KCNAB1: variants seen among roughly 807,000 people sequenced by gnomAD.
KCNAB1 encodes the protein voltage-gated potassium channel subunit beta-1.
A neutral mutation model predicts 64.6 loss-of-function variants in KCNAB1; 35 were observed. That is an observed-to-expected ratio of 0.54 (90% CI 0.41 to 0.72). The LOEUF (loss-of-function observed/expected upper bound fraction) is 0.72. KCNAB1 is among the 30% of genes least tolerant of loss of function. The pLI, the probability that KCNAB1 is intolerant of heterozygous loss-of-function variation, is 0.00. For missense variants in KCNAB1, 401 were observed against 512.9 expected (o/e 0.78, Z 2.11); for synonymous variants, 177 against 183.8 (o/e 0.96, Z 0.30).
At chr3:156,384,129 A>T (rs561201897) in intron 1 of KCNAB1, among the ~76,000 whole-genome samples, 1 of 152,346 alleles carries the variant, frequency 6.6e-6, no homozygotes, top group Admixed American at 6.5e-5. Context: ...GGCACTTTTT[A>T]TTCTGCAATT....
intron 1 of KCNAB1, among the ~76,000 whole-genome samples, chr3:156,309,862 T>C (rs1721773280): frequency 6.6e-6 from 1 of 152,234 alleles, no homozygotes. Context: ...GAATTAGTTC[T>C]AGAATTCTAG....
At chr3:156,443,606 C>T (rs1318451180) in intron 2 of KCNAB1, among the ~76,000 whole-genome samples, 1 of 152,132 alleles carries the variant, frequency 6.6e-6, no homozygotes, top group African/African-American at 2.4e-5. Flanking sequence ...ACCGAAGGAG[C>T]TAGGAAAGCA....
intron 1 of KCNAB1, among the ~76,000 whole-genome samples, chr3:156,289,253 C>CA (rs1720259123): frequency 6.6e-6 from 1 of 152,244 alleles, no homozygotes; most frequent in Non-Finnish European, 1.5e-5. Flanking sequence ...CTGAGCCCCC[C>CA]ACACATCTCC....
At chr3:156,224,265 C>T (rs542456429) in intron 1 of KCNAB1, among the ~76,000 whole-genome samples, 6 of 152,354 alleles carry the variant, frequency 3.9e-5, no homozygotes, top group South Asian at 2.1e-4. Context: ...CGTGCTGGCC[C>T]GCAAGCACCG....
At chr3:156,279,509 A>G (rs1397762663) in intron 1 of KCNAB1, among the ~76,000 whole-genome samples, 1 of 152,106 alleles carries the variant, frequency 6.6e-6, no homozygotes, top group African/African-American at 2.4e-5. Flanking sequence ...GTCAAATGGT[A>G]TTTCCAGTTC....
At chr3:156,352,199 C>T (rs1341018961) in intron 1 of KCNAB1, among the ~76,000 whole-genome samples, 1 of 152,236 alleles carries the variant, frequency 6.6e-6, no homozygotes, top group Non-Finnish European at 1.5e-5. Context: ...AACCCGTCTC[C>T]TGTGGGCTCC....
intron 13 of KCNAB1, chr3:156,536,407 T>C: frequency 2.8e-6 from 1 of 356,498 alleles, no homozygotes; most frequent in South Asian, 8.3e-5. Flanking sequence ...TATATTTCTG[T>C]TGGATAGAGC....
intron 1 of KCNAB1, among the ~76,000 whole-genome samples, chr3:156,378,524 T>C (rs1560226800): frequency 6.6e-6 from 1 of 152,282 alleles, no homozygotes; most frequent in East Asian, 1.9e-4. Flanking sequence ...CACCCTTCCT[T>C]CTTCCTCAAC....
At chr3:156,209,111 A>G (rs1714855323) in intron 1 of KCNAB1, among the ~76,000 whole-genome samples, 1 of 152,246 alleles carries the variant, frequency 6.6e-6, no homozygotes, top group Admixed American at 6.5e-5. Flanking sequence ...AAATTTGTAT[A>G]CAATCACATT....
intron 1 of KCNAB1, among the ~76,000 whole-genome samples, chr3:156,315,829 T>C (rs556363537): frequency 5.9e-5 from 9 of 152,276 alleles, no homozygotes; most frequent in African/African-American, 2.2e-4. Context: ...TCTAGAATGG[T>C]TGAATGTGAA....
intron 1 of KCNAB1, among the ~76,000 whole-genome samples, chr3:156,262,714 G>A (rs141209169): frequency 3.3e-5 from 5 of 151,796 alleles, no homozygotes; most frequent in African/African-American, 1.2e-4. Flanking sequence ...TCCTTCTTCT[G>A]TTTTCCAAAA....
At chr3:156,125,281 A>G (rs557913037) in intron 1 of KCNAB1, among the ~76,000 whole-genome samples, 1 of 152,230 alleles carries the variant, frequency 6.6e-6, no homozygotes, top group African/African-American at 2.4e-5. Flanking sequence ...CCTATGAAGA[A>G]AATTAAGGAT....
intron 1 of KCNAB1, among the ~76,000 whole-genome samples, chr3:156,353,753 C>T (rs1224372304): frequency 1.3e-5 from 2 of 152,220 alleles, no homozygotes; most frequent in African/African-American, 4.8e-5. Context: ...GGGAGGCTGG[C>T]TTCCCGCAGG....
chr3:156,449,545 G>A (rs868511312), intron 2 of KCNAB1, among the ~76,000 whole-genome samples: 1 of 152,158 alleles, frequency 6.6e-6, no homozygotes, highest in Non-Finnish European at 1.5e-5. Context: ...TACCGTTTTT[G>A]CATTACAGTT....
chr3:156,456,690 T>G (rs919508559), intron 3 of KCNAB1, among the ~76,000 whole-genome samples: 1 of 152,264 alleles, frequency 6.6e-6, no homozygotes, highest in Non-Finnish European at 1.5e-5. Context: ...ATTTTTCAAA[T>G]GACTAGTAAG....
chr3:156,144,875 GC>G (rs759412533), intron 1 of KCNAB1, among the ~76,000 whole-genome samples: 2 of 152,172 alleles, frequency 1.3e-5, no homozygotes, highest in Non-Finnish European at 2.9e-5. Flanking sequence ...ACAGATCTGT[GC>G]TGTGTGCCAA....
In KCNAB1 at chr3:156,537,147, TAGAC is replaced by T. The variant is rs1358047382; in HGVS notation, c.*401_*404del. On this transcript the variant is annotated 3_prime_UTR_variant, in exon 14 of 14. Coordinates refer to ENST00000490337, the MANE Select transcript of KCNAB1 (RefSeq NM_172160.3). Reference sequence around the variant, plus strand: ...TGAGTTGCGTAAGAAACAGAGTAGATAGACTAAATTCAGTGAAGGAAAGGAATTG... The same window carrying T: ...TGAGTTGCGTAAGAAACAGAGTAGATTAAATTCAGTGAAGGAAAGGAATTG... 8 of 398,400 alleles carry T rather than the reference TAGAC, an allele frequency of 2.0e-5. No individual in the cohort carries two copies. Among genetic ancestry groups the T allele is most frequent in the Non-Finnish European group, 3.1e-5 (7 of 226,156 alleles). The allele number at this position is 398,400 out of a possible 1,614,324, so 24.7% of individuals were successfully genotyped here. A position where few individuals can be genotyped will look rare whatever the true frequency, so the allele number is the denominator to read the frequency against.
rs1299270974 is a variant in KCNAB1, at chr3:156,374,937, T to C, written c.276-46679T>C. On this transcript the variant is annotated intron_variant, in intron 1 of 13. Transcript: ENST00000490337. The stretch of plus-strand genomic sequence containing the variant: ...TCTCATTATAGAAAACACAAAGAAA[T>C]TTAAAATGTTAAGCCAACATCATTC... Among the ~76,000 whole-genome samples, 2 of 135,928 alleles carry C rather than the reference T, an allele frequency of 1.5e-5. 1 individual carries two copies. Among genetic ancestry groups the C allele is most frequent in the African/African-American group, 6.6e-5 (2 of 30,470 alleles). 89.2% of individuals were successfully genotyped at this position (135,928 alleles called of 152,430 possible).
At chr3:156,413,922 G>A (rs920637880) in intron 1 of KCNAB1, among the ~76,000 whole-genome samples, 6 of 152,168 alleles carry the variant, frequency 3.9e-5, no homozygotes, top group Non-Finnish European at 8.8e-5. Flanking sequence ...TCTGACTGCA[G>A]ATGTAAAAGA....
Sources: allele counts gnomAD v4.1 joint callset (sites outside exome capture counted in the v4.1 genomes callset), GRCh38; gene constraint gnomAD v4.1.1; transcripts MANE v1.5; gene names NCBI Gene and HGNC (gene_info 2026-07-23, HGNC 2026-07-21).